Variants in ZDHHC19 observed in about 807,000 individuals in gnomAD.
The protein encoded by ZDHHC19 is palmitoyltransferase ZDHHC19.
ZDHHC19 carries 30 observed loss-of-function variants against 33.9 expected under a neutral mutation model. The ratio of observed to expected loss-of-function variants is 0.88; its 90% CI spans 0.66 to 1.20. The LOEUF (loss-of-function observed/expected upper bound fraction) is 1.20. Among genes scored for constraint, ZDHHC19 ranks in the 50% most tolerant of loss-of-function variants. ZDHHC19 has a pLI of 0.00. For missense variants in ZDHHC19, 364 were observed against 401.1 expected (o/e 0.91, Z 0.79); for synonymous variants, 178 against 167.6 (o/e 1.06, Z -0.48).
intron 5 of ZDHHC19, among the ~76,000 whole-genome samples, chr3:196,200,464 C>T (rs1407143605): frequency 2.0e-5 from 3 of 148,840 alleles, no homozygotes; most frequent in Admixed American, 6.7e-5. Context: ...ACGCCATTCT[C>T]CTGCCTCAGC....
chr3:196,204,560 G>A (rs1036073453), intron 5 of ZDHHC19, among the ~76,000 whole-genome samples: 2 of 152,120 alleles, frequency 1.3e-5, no homozygotes, highest in Non-Finnish European at 2.9e-5. Context: ...GATTGGAACA[G>A]ACACTTCACC....
chr3:196,200,510 A>T lies in ZDHHC19; in HGVS notation c.688-1636T>A, dbSNP rs1056491411. Among the ~76,000 whole-genome samples the T allele has an allele frequency of 2.7e-5, 4 of 149,866 alleles. 1 individual carries two copies. The highest frequency in any genetic ancestry group is 9.9e-5 in the African/African-American group (4 of 40,310). On this transcript the variant is annotated intron_variant, in intron 5 of 7. Coordinates refer to ENST00000296326, the MANE Select transcript of ZDHHC19 (RefSeq NM_001039617.2). ...GCTGGGATTACAGGTGCTCGCCACC[A>T]CGCCCAGCTAATTTTTTGTATTTTT... is the stretch of plus-strand genomic sequence containing the variant.
intron 5 of ZDHHC19, among the ~76,000 whole-genome samples, chr3:196,202,198 G>A (rs1002210128): frequency 1.3e-5 from 2 of 152,066 alleles, no homozygotes; most frequent in Non-Finnish European, 2.9e-5. Flanking sequence ...GTGCACGCCC[G>A]TAGTTCCAGC....
At chr3:196,210,455 G>GAA (rs61351386) in intron 2 of ZDHHC19, among the ~76,000 whole-genome samples, 161 bp downstream of exon 2, 1,727 of 144,112 alleles carry the variant, frequency 0.012, 149 homozygotes, top group African/African-American at 0.035. Flanking sequence ...AAAGAAAAGA[G>GAA]AAGAGAAGAA....
At chr3:196,208,344 G>A in intron 4 of ZDHHC19, 44 bp downstream of exon 4, 2 of 1,481,496 alleles carry the variant, frequency 1.3e-6, no homozygotes, top group Non-Finnish European at 1.8e-6. Flanking sequence ...CCCCCTCCTT[G>A]GCTGTCCCCG....
At chr3:196,204,734 T>C (rs73083214) in intron 5 of ZDHHC19, among the ~76,000 whole-genome samples, 6,333 of 152,198 alleles carry the variant, frequency 0.042, 419 homozygotes, top group African/African-American at 0.14. Context: ...TGCAAAGCAA[T>C]TGGAATTCTT....
rs767194852 is a variant in ZDHHC19, at chr3:196,198,842, G to T, written c.720C>A (p.Asp240Glu). The T allele has an allele frequency of 6.2e-7, 1 of 1,614,136 alleles. No homozygotes were observed. Among genetic ancestry groups the T allele is most frequent in the South Asian group, 1.1e-5 (1 of 91,076 alleles). ...CRHLQGYNPF[D>E]QGCASNWYLT... ...AATACCAGTTGCTGGCACAGCCCTG[G>T]TCGAAGGGGTTGTATCCCTGAAGGT... The change falls in exon 6 of 8, where the codon GAC (aspartate) becomes GAA (glutamate). Residue 240 changes from aspartate to glutamate, a missense_variant. By Grantham distance (45) the Asp-to-Glu change is conservative (BLOSUM62 2). Coordinates refer to ENST00000296326, the MANE Select transcript of ZDHHC19 (RefSeq NM_001039617.2).
intron 1 of ZDHHC19, 89 bp downstream of exon 1, chr3:196,211,081 T>C: frequency 6.3e-7 from 1 of 1,597,786 alleles, no homozygotes; most frequent in East Asian, 2.2e-5. Context: ...TCCCCCGGTC[T>C]TCTGCACTCC....
chr3:196,201,496 G>T (rs1048012276), intron 5 of ZDHHC19, among the ~76,000 whole-genome samples: 2 of 151,980 alleles, frequency 1.3e-5, no homozygotes, highest in Non-Finnish European at 1.5e-5. Context: ...GCCAAGGCGG[G>T]TGGATCACTT....
In ZDHHC19 at chr3:196,198,371, G is replaced by T; in HGVS notation, c.854C>A (p.Ser285Tyr). ...TSMPNLHPPM[S>Y]PSALNPPAPT... ...GGCTGGGGGGTTGAGAGCAGAGGGG[G>T]ACATTGGAGGGTGCAGATTCGGCAT... Residue 285 changes from serine to tyrosine, a missense_variant, in exon 7 of 8, where the codon TCC becomes TAC. By Grantham distance (144) the Ser-to-Tyr change is moderately radical. Coordinates refer to ENST00000296326, the MANE Select transcript of ZDHHC19 (RefSeq NM_001039617.2). 1 of 1,531,832 alleles carries T rather than the reference G, an allele frequency of 6.5e-7. No homozygotes were observed. The highest frequency in any genetic ancestry group is 8.8e-7 in the Non-Finnish European group (1 of 1,139,156). 94.9% of individuals were successfully genotyped at this position (1,531,832 alleles called of 1,614,324 possible).
intron 5 of ZDHHC19, among the ~76,000 whole-genome samples, chr3:196,205,700 C>T (rs1431390593): frequency 2.0e-5 from 3 of 152,188 alleles, no homozygotes; most frequent in Non-Finnish European, 4.4e-5. Flanking sequence ...CTGGCTCTGT[C>T]TCCCAAGCTG....
intron 3 of ZDHHC19, 100 bp from the exon 4 acceptor site, chr3:196,208,660 T>A (rs1375560479): frequency 1.4e-6 from 2 of 1,405,386 alleles, no homozygotes. Flanking sequence ...CTAGGCCACC[T>A]GCCCTTGGCC....
chr3:196,197,537 G>GC lies in ZDHHC19; in HGVS notation c.*207dup, dbSNP rs1721893779. 1 of 152,682 alleles carries GC rather than the reference G, an allele frequency of 6.5e-6. No individual in the cohort carries two copies. The highest frequency in any genetic ancestry group is 1.5e-5 in the Non-Finnish European group (1 of 68,336). The allele number at this position is 152,682 out of a possible 1,614,324, so 9.5% of individuals were successfully genotyped here. On this transcript the variant is annotated 3_prime_UTR_variant, in exon 8 of 8. Coordinates refer to ENST00000296326, the MANE Select transcript of ZDHHC19 (RefSeq NM_001039617.2). The surrounding 1 kb of genome is among the most constrained non-coding windows in gnomAD (Gnocchi z 4.4). ...TGGGCAAAGGGCAAGGCACAGAAAG[G>GC]CTTCCACTCAGGGCTCAGGAAGTGG...
In ZDHHC19 at chr3:196,211,251, C is replaced by T. The variant is rs373047319; in HGVS notation, c.65G>A (p.Arg22His). The T allele has an allele frequency of 3.7e-6, 6 of 1,613,964 alleles. No individual in the cohort carries two copies. The highest frequency in any genetic ancestry group is 4.5e-5 in the East Asian group (2 of 44,876). ...AAAGAGGCTAGGGAGGAACCAGGGACGTGGGACCAGAGGCAGGGGATGGGG... is the reference window on the plus strand; with the variant it reads ...AAAGAGGCTAGGGAGGAACCAGGGATGTGGGACCAGAGGCAGGGGATGGGG... ...KEPHPLPLVP[R>H]PWFLPSLFAA... The change falls in exon 1 of 8, where the codon CGT (arginine) becomes CAT (histidine). Residue 22 changes from arginine to histidine, a missense_variant. Physicochemically the swap from Arg to His is conservative, Grantham distance 29 (BLOSUM62 0). Coordinates refer to ENST00000296326, the MANE Select transcript of ZDHHC19 (RefSeq NM_001039617.2).
At chr3:196,208,779 A>T in intron 3 of ZDHHC19, 1 of 574,578 alleles carries the variant, frequency 1.7e-6, no homozygotes, top group Non-Finnish European at 3.1e-6. Flanking sequence ...GTCACCTGTC[A>T]GAAGACCTTT....
intron 5 of ZDHHC19, among the ~76,000 whole-genome samples, chr3:196,201,302 A>G (rs1428847542): frequency 1.7e-4 from 25 of 150,762 alleles, no homozygotes; most frequent in African/African-American, 6.1e-4. Context: ...TCCTGACCTC[A>G]TGATCCGCCC....
chr3:196,202,706 G>A (rs893341549), intron 5 of ZDHHC19, among the ~76,000 whole-genome samples: 4 of 152,308 alleles, frequency 2.6e-5, no homozygotes, highest in Non-Finnish European at 4.4e-5. Flanking sequence ...TGCTGTGTGC[G>A]GTCCGGAAAG....
intron 2 of ZDHHC19, 52 bp from the exon 3 acceptor site, chr3:196,209,567 G>T: frequency 6.3e-7 from 1 of 1,586,184 alleles, no homozygotes; most frequent in African/African-American, 1.3e-5. Flanking sequence ...GTCACCCCGC[G>T]GCGGGGGCAG....
chr3:196,200,332 ATATATATATATG>A lies in ZDHHC19; in HGVS notation c.688-1470_688-1459del, dbSNP rs1421095476. 4.7e-3 allele frequency among the ~76,000 whole-genome samples: 366 copies of A among 78,678 alleles called. 3 individuals carry two copies. Among genetic ancestry groups the A allele is most frequent in the African/African-American group, 7.4e-3 (150 of 20,340 alleles). The allele number at this position is 78,678 out of a possible 152,430, so 51.6% of individuals were successfully genotyped here. A position where few individuals can be genotyped will look rare whatever the true frequency, so the allele number is the denominator to read the frequency against. ...ACAGAATTTTAAAATTTAGGGATATATATATATATATGTATATATATATATAATTTTTTTTTT... is the reference window on the plus strand; with the variant it reads ...ACAGAATTTTAAAATTTAGGGATATATATATATATATATAATTTTTTTTTT... On this transcript the variant is annotated intron_variant, in intron 5 of 7. Coordinates refer to ENST00000296326, the MANE Select transcript of ZDHHC19 (RefSeq NM_001039617.2).
Sources: gnomAD v4.1 joint callset for allele counts (sites outside exome capture counted in the v4.1 genomes callset) on GRCh38, gnomAD v4.1.1 for gene constraint, Gnocchi (gnomAD v3.1) non-coding constraint, MANE v1.5 for transcripts, NCBI Gene and HGNC (gene_info 2026-07-23, HGNC 2026-07-21) for gene names.